Variants in HPD observed in about 807,000 individuals in gnomAD.
HPD encodes 4-hydroxyphenylpyruvic acid oxidase.
Under a neutral mutation model 56.9 loss-of-function variants are expected in HPD, and 35 were observed. That is an observed-to-expected ratio of 0.62 (90% CI 0.47 to 0.82). HPD has a LOEUF of 0.82. Among genes scored for constraint, HPD ranks in the 40% least tolerant of loss-of-function variants. The pLI, the probability that HPD is intolerant of heterozygous loss-of-function variation, is 0.00. For synonymous variants in HPD, 186 were observed against 200.2 expected, an observed-to-expected ratio of 0.93 and a Z score of 0.60; for missense variants, 442 against 506.8, an observed-to-expected ratio of 0.87 and a Z score of 1.23.
upstream of HPD, chr12:121,859,253 T>C (rs1335725959): frequency 1.3e-5 from 4 of 312,226 alleles, no homozygotes; most frequent in African/African-American, 8.6e-5. Context: ...CGTCACAGCG[T>C]TGTATTCCAT....
upstream of HPD, among the ~76,000 whole-genome samples, chr12:121,863,829 T>C (rs1281080644): frequency 6.6e-6 from 1 of 151,824 alleles, no homozygotes; most frequent in Non-Finnish European, 1.5e-5. Flanking sequence ...TATAAGCCCA[T>C]TTTGGAAATT....
At chr12:121,859,792 C>G (rs1878128410), upstream of HPD, among the ~76,000 whole-genome samples, 1 of 152,242 alleles carries the variant, frequency 6.6e-6, no homozygotes, top group Non-Finnish European at 1.5e-5. Flanking sequence ...AAGGTGGTCC[C>G]ACCCCCTTAT....
At chr12:121,875,782 T>C in the HPD span, among the ~76,000 whole-genome samples, 1 of 152,166 alleles carries the variant, frequency 6.6e-6, no homozygotes. Flanking sequence ...TTAAGCTAAG[T>C]ACAGTACATA....
At chr12:121,887,231 T>G in the HPD span, among the ~76,000 whole-genome samples, 3 of 151,376 alleles carry the variant, frequency 2.0e-5, no homozygotes, top group Non-Finnish European at 4.4e-5. Context: ...TTTTTTTTTT[T>G]GTAGAGATGG....
At chr12:121,857,490 T>A (rs932329123) in intron 3 of HPD, 58 bp from the exon 4 acceptor site, 2 of 1,306,570 alleles carry the variant, frequency 1.5e-6, no homozygotes, top group Non-Finnish European at 2.2e-6. Flanking sequence ...ATGGGGGACT[T>A]CCGCAAGAGA....
At chr12:121,848,839 C>A (rs1004826623) in intron 9 of HPD, among the ~76,000 whole-genome samples, 160 bp downstream of exon 9, 3 of 152,158 alleles carry the variant, frequency 2.0e-5, no homozygotes. Flanking sequence ...CCCCTGACCT[C>A]AAGTGATCCT....
upstream of HPD, among the ~76,000 whole-genome samples, chr12:121,866,980 C>T (rs776765643): frequency 7.2e-5 from 11 of 152,256 alleles, no homozygotes; most frequent in Non-Finnish European, 1.6e-4. Flanking sequence ...TTCCTTACAG[C>T]TTTGCCTTTT....
chr12:121,869,818 C>A, the HPD span, among the ~76,000 whole-genome samples: 1 of 152,180 alleles, frequency 6.6e-6, no homozygotes, highest in Non-Finnish European at 1.5e-5. Context: ...AGCCACCATG[C>A]CTGGCCTTCA....
At chr12:121,840,488 C>CG (rs1877372094) in intron 12 of HPD, among the ~76,000 whole-genome samples, 1 of 151,926 alleles carries the variant, frequency 6.6e-6, no homozygotes, top group African/African-American at 2.4e-5. Context: ...TTTAGTAAGA[C>CG]GGGGTTTCAC....
chr12:121,860,221 A>C (rs553932166), upstream of HPD, among the ~76,000 whole-genome samples: 2 of 152,218 alleles, frequency 1.3e-5, no homozygotes, highest in East Asian at 1.9e-4. Flanking sequence ...TGGATCTCAC[A>C]GGCCCAGAAG....
rs763314993 is a variant in HPD at position 121,847,070 on chromosome 12, C to A, written c.741G>T (p.Lys247Asn). ...GCCTCACCTGGATCTGGGACTTCTT[C>A]TTGCCAGGCGCTGGCTCATTGATGG... The part of the protein sequence containing the change: ...KMPINEPAPG[K>N]KKSQIQEYVD... The change falls in exon 10 of 14, where the codon AAG becomes AAT. Residue 247 changes from lysine (K) to asparagine (N), a missense_variant. Transcript: ENST00000289004. 1 of 1,614,190 alleles carries A rather than the reference C, an allele frequency of 6.2e-7. No homozygotes were observed. Among genetic ancestry groups the A allele is most frequent in the African/African-American group, 1.3e-5 (1 of 75,044 alleles).
intron 11 of HPD, among the ~76,000 whole-genome samples, 170 bp downstream of exon 11, chr12:121,846,692 G>T (rs1448643148): frequency 6.6e-6 from 1 of 152,140 alleles, no homozygotes; most frequent in Non-Finnish European, 1.5e-5. Flanking sequence ...CTCTGGGGGT[G>T]GGTGTGGCTG....
the HPD span, among the ~76,000 whole-genome samples, chr12:121,874,632 A>G: frequency 6.6e-6 from 1 of 152,032 alleles, no homozygotes; most frequent in Non-Finnish European, 1.5e-5. Context: ...ACAAACAAAC[A>G]AGCAAACAAA....
the HPD span, among the ~76,000 whole-genome samples, chr12:121,870,461 C>T: frequency 6.7e-5 from 10 of 148,942 alleles, no homozygotes; most frequent in Admixed American, 4.1e-4. Context: ...GAGTGGAGAT[C>T]GTGCCACTGC....
At chr12:121,886,407 CT>C in the HPD span, among the ~76,000 whole-genome samples, 1 of 139,244 alleles carries the variant, frequency 7.2e-6, no homozygotes, top group Non-Finnish European at 1.5e-5. Flanking sequence ...CGCGCCTGGC[CT>C]AGTTTTTTTT....
chr12:121,849,932 C>A, intron 7 of HPD, 142 bp from the exon 8 acceptor site: 1 of 684,264 alleles, frequency 1.5e-6, no homozygotes, highest in Non-Finnish European at 2.7e-6. Context: ...TAAGTCACTT[C>A]TCCTTTCTGA....
upstream of HPD, among the ~76,000 whole-genome samples, chr12:121,860,327 C>T (rs1049190239): frequency 1.3e-5 from 2 of 152,152 alleles, no homozygotes; most frequent in Non-Finnish European, 2.9e-5. Flanking sequence ...CAACTCAAAC[C>T]CCCACTCCTG....
chr12:121,863,250 C>T (rs1305517116), upstream of HPD, among the ~76,000 whole-genome samples: 1 of 152,214 alleles, frequency 6.6e-6, no homozygotes, highest in East Asian at 1.9e-4. Flanking sequence ...TCCCAAAGTG[C>T]TGGGATTACA....
At chr12:121,885,501 A>G in the HPD span, among the ~76,000 whole-genome samples, 3 of 151,970 alleles carry the variant, frequency 2.0e-5, no homozygotes, top group African/African-American at 7.2e-5. Flanking sequence ...CGCCCGGCCT[A>G]TATCTGTATT....
Sources: gnomAD v4.1 joint callset for allele counts (sites outside exome capture counted in the v4.1 genomes callset) on GRCh38, gnomAD v4.1.1 for gene constraint, MANE v1.5 for transcripts, NCBI Gene and HGNC (gene_info 2026-07-23, HGNC 2026-07-21) for gene names.